The following SEMA3D variants were observed in gnomAD, a reference collection of about 807,000 sequenced individuals.
The protein encoded by SEMA3D is semaphorin-3D.
Under a neutral mutation model 100.1 loss-of-function variants are expected in SEMA3D, and 84 were observed. The ratio of observed to expected loss-of-function variants is 0.84; its 90% CI spans 0.70 to 1.01. SEMA3D has a LOEUF of 1.01. SEMA3D is among the 50% of genes least tolerant of loss of function. The pLI, the probability that SEMA3D is intolerant of heterozygous loss-of-function variation, is 0.00. For missense variants in SEMA3D, 875 were observed against 934.1 expected (o/e 0.94, Z 0.82); for synonymous variants, 312 against 320.7 (o/e 0.97, Z 0.29).
At chr7:85,201,147 C>T in the SEMA3D span, among the ~76,000 whole-genome samples, 303 of 152,190 alleles carry the variant, frequency 2.0e-3, 2 homozygotes, top group African/African-American at 7.0e-3. Flanking sequence ...GGGAGGAAAA[C>T]GATTAATGGG....
intron 12 of SEMA3D, chr7:85,027,846 A>G (rs1790432823): frequency 1.9e-6 from 1 of 536,266 alleles, no homozygotes; most frequent in Non-Finnish European, 3.6e-6. Flanking sequence ...GTGACCTGCA[A>G]TTGGTATTGA....
intron 12 of SEMA3D, among the ~76,000 whole-genome samples, chr7:85,027,225 CA>C (rs1790415390): frequency 2.0e-5 from 3 of 152,086 alleles, no homozygotes; most frequent in Middle Eastern, 3.4e-3. Flanking sequence ...GACCCAGAAT[CA>C]AAAGAACTTT....
chr7:85,155,741 C>T (rs1393028874), intron 1 of SEMA3D, among the ~76,000 whole-genome samples: 1 of 152,036 alleles, frequency 6.6e-6, no homozygotes. Flanking sequence ...CAACAGAATG[C>T]AAATTATAAA....
chr7:85,065,932 C>T (rs760211238), intron 7 of SEMA3D, among the ~76,000 whole-genome samples: 1 of 152,058 alleles, frequency 6.6e-6, no homozygotes, highest in Non-Finnish European at 1.5e-5. Context: ...AAGCTAAATG[C>T]CATAATGAGG....
chr7:85,244,802 C>T, the SEMA3D span, among the ~76,000 whole-genome samples: 1 of 149,572 alleles, frequency 6.7e-6, no homozygotes, highest in Non-Finnish European at 1.5e-5. Context: ...CTTCTGAGTC[C>T]TGGGTTCAAG....
chr7:85,101,441 C>A (rs900961940), intron 3 of SEMA3D, among the ~76,000 whole-genome samples: 8 of 151,938 alleles, frequency 5.3e-5, no homozygotes, highest in African/African-American at 1.7e-4. Context: ...TAGGTTCAGG[C>A]CACCAGGGCA....
At chr7:85,038,386 C>T (rs1790762843) in intron 11 of SEMA3D, among the ~76,000 whole-genome samples, 1 of 152,090 alleles carries the variant, frequency 6.6e-6, no homozygotes, top group African/African-American at 2.4e-5. Context: ...ACAGAATCTG[C>T]CTAGGATATT....
the SEMA3D span, among the ~76,000 whole-genome samples, chr7:85,245,995 C>G: frequency 1.3e-5 from 2 of 151,896 alleles, no homozygotes; most frequent in African/African-American, 4.8e-5. Context: ...AATAAAAAAT[C>G]TAAGATGTAG....
At chr7:85,151,576 T>G in intron 2 of SEMA3D, 3 of 904,652 alleles carry the variant, frequency 3.3e-6, no homozygotes, top group Non-Finnish European at 2.6e-6. Context: ...CCGTAGTTGA[T>G]GTGTGTATGC....
intron 2 of SEMA3D, among the ~76,000 whole-genome samples, chr7:85,146,267 A>G (rs1354101384): frequency 6.6e-6 from 1 of 152,102 alleles, no homozygotes; most frequent in African/African-American, 2.4e-5. Flanking sequence ...ACTAGTAAAA[A>G]TCCTTAGCCA....
At chr7:85,112,153 T>C (rs1789113083) in intron 3 of SEMA3D, among the ~76,000 whole-genome samples, 2 of 152,040 alleles carry the variant, frequency 1.3e-5, no homozygotes, top group South Asian at 4.1e-4. Context: ...TCAATACAAA[T>C]CAAACAAATC....
rs758229659 is a variant in SEMA3D, at chr7:85,065,483, C to T, written c.659G>A (p.Gly220Glu). The change falls in exon 8 of 19, where the codon GGG (glycine) becomes GAG (glutamate). Residue 220 changes from glycine (G) to glutamate (E), a missense_variant. By Grantham distance (98) the Gly-to-Glu change is moderately conservative. Coordinates refer to ENST00000284136, the MANE Select transcript of SEMA3D (RefSeq NM_001384900.1). ...GKDTAFTRSLGPTHDHHYIRT... is the reference protein window; with the variant it reads ...GKDTAFTRSLEPTHDHHYIRT... ...GATGTAGTGGTGGTCATGAGTAGGCCCAAGGGATCGAGTGAATGCAGTATC... is the reference window on the plus strand; with the variant it reads ...GATGTAGTGGTGGTCATGAGTAGGCTCAAGGGATCGAGTGAATGCAGTATC... 1.9e-6 allele frequency: 3 copies of T among 1,612,822 alleles called. No individual in the cohort carries two copies. The highest frequency in any genetic ancestry group is 2.5e-6 in the Non-Finnish European group (3 of 1,179,132).
At chr7:85,242,203 C>A in the SEMA3D span, among the ~76,000 whole-genome samples, 39 of 152,092 alleles carry the variant, frequency 2.6e-4, no homozygotes, top group Admixed American at 2.3e-3. Context: ...TATTATTTAT[C>A]TTCTTCGGCT....
Position 85,087,939 on chromosome 7 carries a change from C to T in SEMA3D, c.313-6360G>A, listed in dbSNP as rs529281719. On this transcript the variant is annotated intron_variant, in intron 4 of 18. Coordinates refer to ENST00000284136, the MANE Select transcript of SEMA3D (RefSeq NM_001384900.1). Reference sequence around the variant, plus strand: ...TGTCTTCAGTGCCTCCTTAAATAGGCTTTGTGCATAAAGTTATAGTTTAAA... The same window carrying T: ...TGTCTTCAGTGCCTCCTTAAATAGGTTTTGTGCATAAAGTTATAGTTTAAA... Among the ~76,000 whole-genome samples, 43 of 152,136 alleles carry T rather than the reference C, an allele frequency of 2.8e-4. 2 individuals carry two copies. The South Asian group carries it at 8.5e-3, about 30-fold the overall frequency.
intron 4 of SEMA3D, among the ~76,000 whole-genome samples, chr7:85,084,906 C>G (rs933291092): frequency 1.3e-5 from 2 of 152,138 alleles, no homozygotes; most frequent in Non-Finnish European, 2.9e-5. Flanking sequence ...GCTTTCTGTT[C>G]CTGTGTTAGT....
At chr7:85,140,213 G>A (rs1375400654) in intron 2 of SEMA3D, 3 of 632,864 alleles carry the variant, frequency 4.7e-6, no homozygotes, top group East Asian at 2.8e-4. Flanking sequence ...CAATAAAAAT[G>A]TTTTATTTTA....
At chr7:85,143,062 A>G in intron 2 of SEMA3D, 1 of 931,720 alleles carries the variant, frequency 1.1e-6, no homozygotes, top group African/African-American at 1.8e-5. Context: ...TATTTCTAAT[A>G]AGACAAACTT....
At chr7:85,127,068 A>G (rs552615644) in intron 2 of SEMA3D, among the ~76,000 whole-genome samples, 2 of 152,262 alleles carry the variant, frequency 1.3e-5, no homozygotes, top group South Asian at 4.1e-4. Flanking sequence ...CAAATGATAT[A>G]TTCTAAAGGA....
intron 2 of SEMA3D, among the ~76,000 whole-genome samples, chr7:85,124,270 T>C (rs1256602771): frequency 6.6e-6 from 1 of 151,978 alleles, no homozygotes; most frequent in Non-Finnish European, 1.5e-5. Flanking sequence ...CCAGTATTCT[T>C]TGACTTACAG....
Sources: gnomAD v4.1 joint callset for allele counts (sites outside exome capture counted in the v4.1 genomes callset) on GRCh38, gnomAD v4.1.1 for gene constraint, MANE v1.5 for transcripts, NCBI Gene and HGNC (gene_info 2026-07-23, HGNC 2026-07-21) for gene names.